RORB: variants seen among roughly 807,000 people sequenced by gnomAD.
The protein encoded by RORB is RAR related orphan receptor B.
Under a neutral mutation model 59.1 loss-of-function variants are expected in RORB, and 6 were observed. That is an observed-to-expected ratio of 0.10 (90% CI 0.06 to 0.20). The LOEUF is 0.20. Ranked by LOEUF, RORB falls within the 10% of genes least tolerant of loss-of-function variation. RORB has a pLI of 1.00. For synonymous variants in RORB, 215 were observed against 204.5 expected (o/e 1.05, Z -0.44); for missense variants, 320 against 560.5 (o/e 0.57, Z 4.33).
intron 1 of RORB, among the ~76,000 whole-genome samples, chr9:74,615,233 G>A (rs148049336): frequency 1.2e-4 from 19 of 152,224 alleles, no homozygotes; most frequent in East Asian, 5.8e-4. Flanking sequence ...TATGCATATC[G>A]AATCTGTTTC....
intron 1 of RORB, among the ~76,000 whole-genome samples, chr9:74,600,473 C>T (rs933771975): frequency 2.6e-5 from 4 of 152,162 alleles, no homozygotes; most frequent in Non-Finnish European, 5.9e-5. Flanking sequence ...ATGTAGAAAA[C>T]TTCATGAAGT....
chr9:74,645,723 C>A (rs1408514002), intron 4 of RORB, among the ~76,000 whole-genome samples: 2 of 152,054 alleles, frequency 1.3e-5, no homozygotes, highest in Non-Finnish European at 2.9e-5. Context: ...TCCCATTATG[C>A]CTGTTATGTA....
chr9:74,590,488 A>G (rs1325780492), intron 1 of RORB, among the ~76,000 whole-genome samples: 1 of 152,174 alleles, frequency 6.6e-6, no homozygotes, highest in Non-Finnish European at 1.5e-5. Context: ...GCTTGAAGAA[A>G]TTTACTAAGC....
intron 1 of RORB, among the ~76,000 whole-genome samples, chr9:74,535,373 T>C (rs7873840): frequency 0.7 from 105,673 of 151,820 alleles, 37,081 homozygotes; most frequent in East Asian, 0.91. Context: ...ATCAAGGGAA[T>C]GCCTGGCTAA....
rs559657775 is a variant in RORB, at chr9:74,667,300, C to G, written c.1001-491C>G. On this transcript the variant is annotated intron_variant, in intron 7 of 9. Transcript: ENST00000376896. Reference sequence around the variant, plus strand: ...AACTGAAGTGCATCTCATCTCTGTTCCATTAGATATTTCTAACGTCTCAGT... The same window carrying G: ...AACTGAAGTGCATCTCATCTCTGTTGCATTAGATATTTCTAACGTCTCAGT... 3.3e-5 allele frequency among the ~76,000 whole-genome samples: 5 copies of G among 152,304 alleles called. No individual in the cohort carries two copies. In the South Asian group the frequency reaches 1.0e-3, roughly 32 times the overall value.
At chr9:74,562,211 C>T (rs1438426346) in intron 1 of RORB, among the ~76,000 whole-genome samples, 1 of 152,108 alleles carries the variant, frequency 6.6e-6, no homozygotes, top group Non-Finnish European at 1.5e-5. Flanking sequence ...AGTCTACTTT[C>T]TTATTGTACA....
chr9:74,616,493 C>T (rs1244695131), intron 1 of RORB, among the ~76,000 whole-genome samples: 1 of 152,136 alleles, frequency 6.6e-6, no homozygotes, highest in Non-Finnish European at 1.5e-5. Flanking sequence ...TGTGCAATTA[C>T]CAATTTCAAA....
chr9:74,641,633 G>A (rs1014736884), intron 3 of RORB, among the ~76,000 whole-genome samples: 1 of 152,108 alleles, frequency 6.6e-6, no homozygotes, highest in Non-Finnish European at 1.5e-5. Flanking sequence ...GGGTGCAGTG[G>A]CTCACATCTG....
chr9:74,527,249 A>G (rs1030014182), intron 1 of RORB, among the ~76,000 whole-genome samples: 1 of 151,962 alleles, frequency 6.6e-6, no homozygotes, highest in African/African-American at 2.4e-5. Context: ...TTTAGTTACT[A>G]TACTCTACTA....
intron 1 of RORB, among the ~76,000 whole-genome samples, chr9:74,503,063 ATAAT>A (rs1193909320): frequency 2.0e-5 from 3 of 152,102 alleles, no homozygotes; most frequent in Non-Finnish European, 4.4e-5. Context: ...ATTATGCTTA[ATAAT>A]TAATGTATGT....
intron 1 of RORB, among the ~76,000 whole-genome samples, chr9:74,549,865 A>G (rs1346441839): frequency 6.6e-6 from 1 of 151,886 alleles, no homozygotes; most frequent in Non-Finnish European, 1.5e-5. Context: ...AGTAGTTGGG[A>G]TTACAGGTGT....
chr9:74,662,661 T>C (rs1311603973), intron 6 of RORB, 55 bp downstream of exon 6: 2 of 1,583,626 alleles, frequency 1.3e-6, no homozygotes, highest in Non-Finnish European at 1.7e-6. Flanking sequence ...GGTCAGCCCT[T>C]AGCACTGTGT....
intron 5 of RORB, 46 bp from the exon 6 acceptor site, chr9:74,662,428 C>T (rs777314261): frequency 6.9e-6 from 11 of 1,602,774 alleles, no homozygotes; most frequent in Admixed American, 3.3e-5. Context: ...GTTGACTCTC[C>T]GTAAGTCGTT....
intron 1 of RORB, chr9:74,498,365 C>A: frequency 4.8e-6 from 1 of 207,584 alleles, no homozygotes; most frequent in Non-Finnish European, 9.6e-6. Context: ...GCCCGGCGCG[C>A]AGTGGTCGCC....
chr9:74,649,601 C>G (rs75172678), intron 4 of RORB, among the ~76,000 whole-genome samples: 6,664 of 152,232 alleles, frequency 0.044, 482 homozygotes, highest in African/African-American at 0.15. Context: ...AATAACCCCG[C>G]AAAGATGGTC....
At position 74,667,867 on chromosome 9, in the gene RORB, C is replaced by T. The variant is rs1403322398; in HGVS notation, c.1077C>T (p.Ile359=). Residue 359 remains isoleucine (I), a synonymous_variant, in exon 8 of 10, where the codon ATC becomes ATT. Transcript: ENST00000376896. Reference sequence around the variant, plus strand: ...CCTTGCAGCTGACCGAGGAGGAGATCGCTTTGTTCTCATCTGCTGTTCTGA... The same window carrying T: ...CCTTGCAGCTGACCGAGGAGGAGATTGCTTTGTTCTCATCTGCTGTTCTGA... ...LCSLQLTEEE[I]ALFSSAVLIS... 14 of 1,612,876 alleles carry T rather than the reference C, an allele frequency of 8.7e-6. No individual in the cohort carries two copies. The highest frequency in any genetic ancestry group is 4.5e-5 in the East Asian group (2 of 44,864).
chr9:74,650,407 G>A (rs945008732), intron 4 of RORB, among the ~76,000 whole-genome samples: 11 of 152,192 alleles, frequency 7.2e-5, no homozygotes, highest in African/African-American at 1.9e-4. Flanking sequence ...ACCCAGAAGC[G>A]CCAATTGATC....
chr9:74,651,432 G>A (rs1278842604), intron 4 of RORB, among the ~76,000 whole-genome samples: 4 of 152,198 alleles, frequency 2.6e-5, no homozygotes, highest in Non-Finnish European at 5.9e-5. Context: ...CTTCTTGGGA[G>A]GCTGAGGCAC....
intron 1 of RORB, among the ~76,000 whole-genome samples, chr9:74,553,570 G>T (rs1188001086): frequency 7.0e-5 from 10 of 143,878 alleles, no homozygotes; most frequent in Non-Finnish European, 1.5e-5. Context: ...TCAAAAATGT[G>T]ATTTTTAAAT....
Sources: gnomAD v4.1 joint callset for allele counts (sites outside exome capture counted in the v4.1 genomes callset) on GRCh38, gnomAD v4.1.1 for gene constraint, MANE v1.5 for transcripts, NCBI Gene and HGNC (gene_info 2026-07-23, HGNC 2026-07-21) for gene names.